Variants in KCNH8 observed in about 807,000 individuals in gnomAD.
The protein encoded by KCNH8 is potassium voltage-gated channel subfamily H member 8, also known as voltage-gated delayed rectifier potassium channel KCNH8.
Under a neutral mutation model 103.6 loss-of-function variants are expected in KCNH8, and 70 were observed. The ratio of observed to expected loss-of-function variants is 0.68; its 90% CI spans 0.56 to 0.82. The LOEUF (loss-of-function observed/expected upper bound fraction) is 0.82, where lower values mean the gene tolerates loss of function less well. KCNH8 is among the 40% of genes least tolerant of loss of function. The probability of loss-of-function intolerance (pLI) is 0.00; values close to 1 mark genes in which losing one functional copy is unlikely to be tolerated. For synonymous variants in KCNH8, 498 were observed against 489.4 expected (o/e 1.02, Z -0.23); for missense variants, 1,217 against 1,329.9 (o/e 0.92, Z 1.32).
chr3:19,271,640 C>T (rs2064589616), intron 2 of KCNH8, among the ~76,000 whole-genome samples: 1 of 152,116 alleles, frequency 6.6e-6, no homozygotes, highest in South Asian at 2.1e-4. Flanking sequence ...TATAATACTT[C>T]ACAGCTCTTA....
chr3:19,374,273 C>G (rs536625386), intron 5 of KCNH8, among the ~76,000 whole-genome samples: 1 of 151,602 alleles, frequency 6.6e-6, no homozygotes, highest in African/African-American at 2.4e-5. Flanking sequence ...TCAGGACTGG[C>G]TTTATGAATC....
chr3:19,533,358 T>C, intron 15 of KCNH8, 37 bp from the exon 16 acceptor site: 1 of 1,374,136 alleles, frequency 7.3e-7, no homozygotes, highest in Non-Finnish European at 1.0e-6. Context: ...ACTATGCACC[T>C]CTAACTATTG....
At chr3:19,265,732 TG>T (rs1395940704) in intron 2 of KCNH8, among the ~76,000 whole-genome samples, 1 of 152,072 alleles carries the variant, frequency 6.6e-6, no homozygotes. Context: ...TCTCTTGAGT[TG>T]GATAGGAATT....
chr3:19,191,318 G>C (rs137930334), intron 1 of KCNH8, among the ~76,000 whole-genome samples: 38 of 151,896 alleles, frequency 2.5e-4, no homozygotes, highest in Admixed American at 2.5e-3. Flanking sequence ...CCGTAAGCTT[G>C]TCAGCGTTGT....
intron 5 of KCNH8, among the ~76,000 whole-genome samples, chr3:19,370,239 T>A (rs1371712902): frequency 6.6e-6 from 1 of 152,050 alleles, no homozygotes; most frequent in Non-Finnish European, 1.5e-5. Context: ...AATTACCTAT[T>A]TGCTTGTGTG....
chr3:19,267,338 G>A (rs564451015), intron 2 of KCNH8, among the ~76,000 whole-genome samples: 40 of 152,170 alleles, frequency 2.6e-4, no homozygotes, highest in African/African-American at 8.7e-4. Flanking sequence ...AAAAGAATAC[G>A]TATTTTACTC....
intron 9 of KCNH8, 147 bp downstream of exon 9, chr3:19,450,452 T>C (rs1417175966): frequency 8.8e-6 from 6 of 683,418 alleles, no homozygotes; most frequent in Non-Finnish European, 1.5e-5. Context: ...TCCCAATCCA[T>C]CTTCTTTCAC....
chr3:19,205,107 G>A (rs113903249), intron 1 of KCNH8, among the ~76,000 whole-genome samples: 2,983 of 151,888 alleles, frequency 0.02, 94 homozygotes, highest in African/African-American at 0.067. Flanking sequence ...CTACTTACCT[G>A]TTTGTTCAAC....
intron 11 of KCNH8, among the ~76,000 whole-genome samples, chr3:19,482,811 C>G (rs568309334): frequency 7.2e-5 from 11 of 152,296 alleles, no homozygotes; most frequent in South Asian, 2.1e-4. Flanking sequence ...CAGCTGCTAG[C>G]AAGTAGTAGA....
intron 8 of KCNH8, among the ~76,000 whole-genome samples, chr3:19,447,602 G>A (rs2067381579): frequency 6.6e-6 from 1 of 151,952 alleles, no homozygotes; most frequent in South Asian, 2.1e-4. Flanking sequence ...AAGATGGTAG[G>A]GCTTCCAAAC....
intron 3 of KCNH8, among the ~76,000 whole-genome samples, chr3:19,324,728 A>G (rs2065397375): frequency 6.6e-6 from 1 of 152,346 alleles, no homozygotes; most frequent in South Asian, 2.1e-4. Flanking sequence ...ATGGATAGGA[A>G]CAATCAATGT....
At chr3:19,297,299 T>A (rs575447147) in intron 3 of KCNH8, among the ~76,000 whole-genome samples, 1 of 152,236 alleles carries the variant, frequency 6.6e-6, no homozygotes. Flanking sequence ...AGTGCTATAA[T>A]ATGAGCTTAA....
chr3:19,314,278 C>T (rs1467306833), intron 3 of KCNH8, among the ~76,000 whole-genome samples: 1 of 151,700 alleles, frequency 6.6e-6, no homozygotes. Context: ...TCTATTGATA[C>T]TACAGTACTT....
At chr3:19,398,228 A>C (rs1023592754) in intron 7 of KCNH8, among the ~76,000 whole-genome samples, 1 of 152,044 alleles carries the variant, frequency 6.6e-6, no homozygotes, top group African/African-American at 2.4e-5. Flanking sequence ...AATAGAGCTT[A>C]AAATCTGGTG....
intron 3 of KCNH8, among the ~76,000 whole-genome samples, chr3:19,285,133 G>A (rs566768773): frequency 2.0e-5 from 3 of 151,426 alleles, no homozygotes; most frequent in African/African-American, 7.2e-5. Flanking sequence ...AATTTTTTTA[G>A]TTAATTAAAA....
At chr3:19,252,550 G>A (rs767148768) in intron 1 of KCNH8, among the ~76,000 whole-genome samples, 3 of 151,582 alleles carry the variant, frequency 2.0e-5, no homozygotes, top group African/African-American at 7.3e-5. Flanking sequence ...CCACCATGCC[G>A]GGCTAATTTT....
At chr3:19,249,583 TTA>T (rs2064250148) in intron 1 of KCNH8, among the ~76,000 whole-genome samples, 1 of 152,190 alleles carries the variant, frequency 6.6e-6, no homozygotes, top group Non-Finnish European at 1.5e-5. Flanking sequence ...TGTCAAAAGT[TTA>T]TTGTAGCTCT....
chr3:19,338,521 G>A (rs1413057066), intron 3 of KCNH8, among the ~76,000 whole-genome samples: 1 of 151,850 alleles, frequency 6.6e-6, no homozygotes, highest in South Asian at 2.1e-4. Context: ...TATATATGAA[G>A]TATAAAATAG....
intron 1 of KCNH8, among the ~76,000 whole-genome samples, chr3:19,222,589 C>T (rs938827547): frequency 5.3e-5 from 8 of 152,074 alleles, no homozygotes; most frequent in Non-Finnish European, 1.0e-4. Context: ...ATCAGTAAAG[C>T]TTTGAAAACT....
Sources: allele counts gnomAD v4.1 joint callset (sites outside exome capture counted in the v4.1 genomes callset), GRCh38; gene constraint gnomAD v4.1.1; transcripts MANE v1.5; gene names NCBI Gene and HGNC (gene_info 2026-07-23, HGNC 2026-07-21).